DNAH12: variants seen among roughly 807,000 people sequenced by gnomAD.
The protein encoded by DNAH12 is dynein axonemal heavy chain 12, also known as axonemal beta dynein heavy chain 12.
A neutral mutation model predicts 371.5 loss-of-function variants in DNAH12; 285 were observed. That is an observed-to-expected ratio of 0.77 (90% CI 0.70 to 0.85). DNAH12 has a LOEUF of 0.85. Ranked by LOEUF, DNAH12 falls within the 40% of genes least tolerant of loss-of-function variation. The probability of loss-of-function intolerance (pLI) is 0.00; values close to 1 mark genes in which losing one functional copy is unlikely to be tolerated. For synonymous variants in DNAH12, 1,200 were observed against 1,213.0 expected, an observed-to-expected ratio of 0.99 and a Z score of 0.22; for missense variants, 3,611 against 3,689.4, an observed-to-expected ratio of 0.98 and a Z score of 0.55.
At chr3:57,297,336 G>T in intron 70 of DNAH12, 1 of 209,218 alleles carries the variant, frequency 4.8e-6, no homozygotes. Flanking sequence ...GACCTCATTT[G>T]TTGATTCCAG....
At chr3:57,510,749 C>T (rs1319214892) in intron 5 of DNAH12, 41 bp downstream of exon 5, 4 of 1,591,476 alleles carry the variant, frequency 2.5e-6, no homozygotes, top group East Asian at 2.3e-5. Flanking sequence ...CGGGGGGAGG[C>T]CAAGGTGAAA....
chr3:57,479,578 G>A (rs777263938), intron 13 of DNAH12, among the ~76,000 whole-genome samples: 4 of 152,038 alleles, frequency 2.6e-5, no homozygotes, highest in African/African-American at 7.2e-5. Context: ...GACCTAATAG[G>A]CATCTACAGA....
At chr3:57,326,665 A>C (rs550968942) in intron 62 of DNAH12, among the ~76,000 whole-genome samples, 6 of 152,310 alleles carry the variant, frequency 3.9e-5, no homozygotes, top group Admixed American at 1.3e-4. Flanking sequence ...TGAGCAAAAT[A>C]ACCAGCTAAC....
At chr3:57,334,422 G>A in intron 62 of DNAH12, 43 bp downstream of exon 62, 1 of 1,510,540 alleles carries the variant, frequency 6.6e-7, no homozygotes, top group Non-Finnish European at 8.8e-7. Flanking sequence ...CTTCATAAAT[G>A]GCAAATTATC....
chr3:57,422,323 G>T (rs1156912914), intron 35 of DNAH12, among the ~76,000 whole-genome samples: 1 of 152,068 alleles, frequency 6.6e-6, no homozygotes, highest in Non-Finnish European at 1.5e-5. Context: ...TACTTCCCAG[G>T]TTCAAGCTAT....
At chr3:57,445,520 C>A in intron 27 of DNAH12, 101 bp from the exon 28 acceptor site, 1 of 1,025,246 alleles carries the variant, frequency 9.8e-7, no homozygotes, top group Non-Finnish European at 1.3e-6. Flanking sequence ...GTTTATTCTC[C>A]AAATGCAGCA....
chr3:57,305,763 G>A (rs569785980), intron 69 of DNAH12, among the ~76,000 whole-genome samples: 1 of 152,076 alleles, frequency 6.6e-6, no homozygotes, highest in African/African-American at 2.4e-5. Context: ...ATTAAATTCC[G>A]GCCCTCAAAC....
chr3:57,471,426 G>T, intron 15 of DNAH12, 46 bp downstream of exon 15: 2 of 1,463,940 alleles, frequency 1.4e-6, no homozygotes, highest in South Asian at 1.5e-5. Flanking sequence ...TGTCCTATAT[G>T]ACTCTATGGG....
intron 48 of DNAH12, 93 bp from the exon 49 acceptor site, chr3:57,385,098 A>G (rs2063475224): frequency 6.6e-6 from 1 of 152,220 alleles, no homozygotes; most frequent in Non-Finnish European, 1.5e-5. Flanking sequence ...GGAATCTAAC[A>G]TATCATTTTG....
chr3:57,364,778 C>T (rs2153331293), intron 57 of DNAH12, among the ~76,000 whole-genome samples: 1 of 151,910 alleles, frequency 6.6e-6, no homozygotes, highest in East Asian at 1.9e-4. Flanking sequence ...CAAGAAAAGA[C>T]AAACAACCCC....
intron 29 of DNAH12, among the ~76,000 whole-genome samples, chr3:57,443,453 T>TA (rs1337991478): frequency 2.6e-5 from 4 of 152,140 alleles, no homozygotes; most frequent in African/African-American, 7.2e-5. Context: ...ATAACGGCTA[T>TA]AAGCAGCAGT....
intron 70 of DNAH12, among the ~76,000 whole-genome samples, chr3:57,299,981 A>G (rs930717362): frequency 6.6e-6 from 1 of 152,118 alleles, no homozygotes; most frequent in African/African-American, 2.4e-5. Context: ...AAAAATGTCT[A>G]ATTACAGACA....
At chr3:57,522,314 T>C (rs1559748593) in intron 4 of DNAH12, among the ~76,000 whole-genome samples, 1 of 152,218 alleles carries the variant, frequency 6.6e-6, no homozygotes, top group African/African-American at 2.4e-5. Flanking sequence ...AGTGATGGAA[T>C]TCCTAGAAGC....
intron 11 of DNAH12, among the ~76,000 whole-genome samples, chr3:57,499,425 T>A (rs571614926): frequency 4.2e-4 from 63 of 151,344 alleles, no homozygotes; most frequent in African/African-American, 1.4e-3. Context: ...AAAGAATTTT[T>A]AAAAGGGATG....
At chr3:57,378,187 G>A (rs2063320624) in intron 52 of DNAH12, among the ~76,000 whole-genome samples, 1 of 152,038 alleles carries the variant, frequency 6.6e-6, no homozygotes, top group Non-Finnish European at 1.5e-5. Context: ...GAATAAAAAT[G>A]GCAGTGTGGA....
intron 35 of DNAH12, among the ~76,000 whole-genome samples, chr3:57,423,965 C>T (rs993204910): frequency 1.3e-5 from 2 of 152,016 alleles, no homozygotes; most frequent in Middle Eastern, 3.4e-3. Context: ...TCTCGAACTC[C>T]TGACCTCAAA....
intron 11 of DNAH12, among the ~76,000 whole-genome samples, chr3:57,494,135 A>T (rs2067227193): frequency 6.6e-6 from 1 of 152,156 alleles, no homozygotes; most frequent in Non-Finnish European, 1.5e-5. Context: ...TGAGAGGCTG[A>T]GGTGGGAAGA....
intron 22 of DNAH12, among the ~76,000 whole-genome samples, chr3:57,455,589 A>ACAT (rs1437643964): frequency 6.6e-6 from 1 of 151,716 alleles, no homozygotes; most frequent in African/African-American, 2.4e-5. Flanking sequence ...AACAACAACA[A>ACAT]CAACAAAACT....
At chr3:57,487,079 G>A (rs1291320783) in intron 12 of DNAH12, among the ~76,000 whole-genome samples, 2 of 152,108 alleles carry the variant, frequency 1.3e-5, no homozygotes, top group African/African-American at 4.8e-5. Flanking sequence ...AAACGAAGTT[G>A]AAGTGGTGAG....
Sources: allele counts gnomAD v4.1 joint callset (sites outside exome capture counted in the v4.1 genomes callset), GRCh38; gene constraint gnomAD v4.1.1; transcripts MANE v1.5; gene names NCBI Gene and HGNC (gene_info 2026-07-23, HGNC 2026-07-21).